The following R3HDM2 variants were observed in gnomAD, a reference collection of about 807,000 sequenced individuals.
R3HDM2 encodes the protein R3H domain containing 2, also known as R3H domain-containing protein 2.
In R3HDM2, 38 loss-of-function variants were observed where a neutral mutation model predicts 124.5. That is an observed-to-expected ratio of 0.31 (90% confidence interval 0.24 to 0.40). R3HDM2 has a LOEUF of 0.40. R3HDM2 is among the 10% of genes least tolerant of loss of function. R3HDM2 has a pLI of 1.00. For missense variants in R3HDM2, 869 were observed against 1,236.9 expected (o/e 0.70, Z 4.46); for synonymous variants, 391 against 448.0 (o/e 0.87, Z 1.61).
chr12:57,305,456 TA>T (rs753906176), intron 3 of R3HDM2, among the ~76,000 whole-genome samples: 1 of 152,230 alleles, frequency 6.6e-6, no homozygotes, highest in Non-Finnish European at 1.5e-5. Context: ...AAGTTTTTTA[TA>T]AAGTATTCCT....
At chr12:57,321,868 TC>T (rs1049591101) in intron 2 of R3HDM2, among the ~76,000 whole-genome samples, 4 of 152,166 alleles carry the variant, frequency 2.6e-5, no homozygotes, top group African/African-American at 9.7e-5. Flanking sequence ...GAAGGGACCC[TC>T]CAGGACTGAT....
chr12:57,379,746 A>G (rs2064585336), intron 2 of R3HDM2, among the ~76,000 whole-genome samples: 1 of 152,132 alleles, frequency 6.6e-6, no homozygotes. Context: ...GTGGTTATCT[A>G]ATATTCCAAC....
chr12:57,403,034 C>T (rs1009098363), intron 1 of R3HDM2, among the ~76,000 whole-genome samples: 1 of 151,936 alleles, frequency 6.6e-6, no homozygotes, highest in African/African-American at 2.4e-5. Flanking sequence ...TGGAGAGAGG[C>T]GTAGGAAGTG....
chr12:57,307,665 C>T (rs1486279653), intron 3 of R3HDM2, among the ~76,000 whole-genome samples: 6 of 147,552 alleles, frequency 4.1e-5, no homozygotes, highest in African/African-American at 1.5e-4. Flanking sequence ...CTCACTCTGT[C>T]ACCCAGGCTG....
chr12:57,346,949 T>G (rs1168941090), intron 2 of R3HDM2, among the ~76,000 whole-genome samples: 1 of 152,020 alleles, frequency 6.6e-6, no homozygotes, highest in Admixed American at 6.6e-5. Context: ...TTCTAAATAT[T>G]AAAAGTTACA....
chr12:57,261,841 C>A (rs2040927472), intron 19 of R3HDM2, among the ~76,000 whole-genome samples: 1 of 150,026 alleles, frequency 6.7e-6, no homozygotes, highest in Non-Finnish European at 1.5e-5. Context: ...GGGTTGGCAG[C>A]CAGTGGGAAG....
chr12:57,428,500 G>GGC, intron 1 of R3HDM2, among the ~76,000 whole-genome samples: 2 of 146,094 alleles, frequency 1.4e-5, no homozygotes, highest in Admixed American at 6.8e-5. Context: ...TATGGTGGGG[G>GGC]GTGTGGTGGG....
intron 2 of R3HDM2, among the ~76,000 whole-genome samples, chr12:57,357,988 T>C (rs924886718): frequency 2.6e-5 from 4 of 151,724 alleles, no homozygotes; most frequent in Non-Finnish European, 5.9e-5. Context: ...TTTTTTCTTT[T>C]TTTTTTTTTA....
intron 2 of R3HDM2, among the ~76,000 whole-genome samples, chr12:57,372,023 A>C (rs1019864919): frequency 1.3e-5 from 2 of 152,150 alleles, no homozygotes; most frequent in Admixed American, 6.6e-5. Flanking sequence ...ATGCACCAAC[A>C]CACCGGGCTA....
At chr12:57,391,134 A>T (rs973611266) in intron 2 of R3HDM2, among the ~76,000 whole-genome samples, 2 of 152,232 alleles carry the variant, frequency 1.3e-5, no homozygotes, top group African/African-American at 2.4e-5. Flanking sequence ...AAATCTGGAC[A>T]TGAATATTCA....
chr12:57,349,357 C>G (rs2060420362), intron 2 of R3HDM2, among the ~76,000 whole-genome samples: 2 of 119,310 alleles, frequency 1.7e-5, no homozygotes, highest in Admixed American at 2.4e-4. Flanking sequence ...TCTAACCTGC[C>G]GACAGAGCGA....
In R3HDM2 at chr12:57,307,396, G is replaced by A. The variant is rs117113194; in HGVS notation, c.165+2868C>T. Reference sequence around the variant, plus strand: ...TGCAGTGGTGCGATTTTGGGCCACTGCAACCTCTGCCTCCCAGGGGTTCAA... The same window carrying A: ...TGCAGTGGTGCGATTTTGGGCCACTACAACCTCTGCCTCCCAGGGGTTCAA... On this transcript the variant is annotated intron_variant, in intron 3 of 23. Transcript: ENST00000402412. 5.4e-3 allele frequency among the ~76,000 whole-genome samples: 828 copies of A among 151,940 alleles called. 4 individuals carry two copies. Among genetic ancestry groups the A allele is most frequent in the Admixed American group, 9.5e-3 (145 of 15,262 alleles).
At chr12:57,350,788 C>T (rs187626393) in intron 2 of R3HDM2, among the ~76,000 whole-genome samples, 195 of 152,180 alleles carry the variant, frequency 1.3e-3, no homozygotes, top group Non-Finnish European at 2.0e-3. Flanking sequence ...GACCCTGTCT[C>T]TACATAAAAT....
intron 1 of R3HDM2, among the ~76,000 whole-genome samples, chr12:57,426,833 T>A (rs1459878750): frequency 6.6e-6 from 1 of 152,130 alleles, no homozygotes; most frequent in Non-Finnish European, 1.5e-5. Flanking sequence ...CAGGTTTTCC[T>A]AGTGAAAACC....
intron 1 of R3HDM2, chr12:57,415,346 T>G (rs928517940): frequency 6.6e-6 from 1 of 152,048 alleles, no homozygotes; most frequent in African/African-American, 2.4e-5. Flanking sequence ...ACAGAGAAGA[T>G]TTAGCATGGC....
chr12:57,394,342 C>T (rs1156604716), intron 2 of R3HDM2, among the ~76,000 whole-genome samples: 1 of 151,620 alleles, frequency 6.6e-6, no homozygotes. Flanking sequence ...ACGGTGGTGG[C>T]TCATGCCTGT....
chr12:57,421,473 A>T (rs1319869038), intron 1 of R3HDM2, among the ~76,000 whole-genome samples: 4 of 131,448 alleles, frequency 3.0e-5, no homozygotes, highest in African/African-American at 8.9e-5. Flanking sequence ...TTTTTTTTTT[A>T]AAGACAGGGT....
At chr12:57,320,698 C>T (rs1432769737) in intron 2 of R3HDM2, among the ~76,000 whole-genome samples, 1 of 152,064 alleles carries the variant, frequency 6.6e-6, no homozygotes, top group East Asian at 1.9e-4. Context: ...AGGGAGAATA[C>T]TGCATATTCC....
intron 2 of R3HDM2, among the ~76,000 whole-genome samples, chr12:57,375,508 C>G (rs1566399107): frequency 6.6e-6 from 1 of 152,180 alleles, no homozygotes; most frequent in Non-Finnish European, 1.5e-5. Flanking sequence ...TCAACTTACA[C>G]TGTGCAAAGA....
Sources: gnomAD v4.1 joint callset for allele counts (sites outside exome capture counted in the v4.1 genomes callset) on GRCh38, gnomAD v4.1.1 for gene constraint, MANE v1.5 for transcripts, NCBI Gene and HGNC (gene_info 2026-07-23, HGNC 2026-07-21) for gene names.